Variants in ELAPOR2 observed in about 807,000 individuals in gnomAD.
ELAPOR2 encodes endosome/lysosome-associated apoptosis and autophagy regulator family member 2.
A neutral mutation model predicts 120.7 loss-of-function variants in ELAPOR2; 89 were observed. That is an observed-to-expected ratio of 0.74 (90% CI 0.62 to 0.88). The LOEUF (loss-of-function observed/expected upper bound fraction) is 0.88, where lower values mean the gene tolerates loss of function less well. Ranked by LOEUF, ELAPOR2 falls within the 40% of genes least tolerant of loss-of-function variation. The pLI, the probability that ELAPOR2 is intolerant of heterozygous loss-of-function variation, is 0.00. For synonymous variants in ELAPOR2, 444 were observed against 444.9 expected (o/e 1.00, Z 0.03); for missense variants, 1,134 against 1,251.6 (o/e 0.91, Z 1.42).
chr7:86,935,325 A>G (rs947765497), intron 8 of ELAPOR2, among the ~76,000 whole-genome samples: 31 of 151,964 alleles, frequency 2.0e-4, no homozygotes, highest in African/African-American at 6.5e-4. Context: ...CAAATACACT[A>G]TGCTCCTTCC....
At chr7:86,974,092 A>G (rs915292643) in intron 1 of ELAPOR2, among the ~76,000 whole-genome samples, 23 of 152,052 alleles carry the variant, frequency 1.5e-4, no homozygotes, top group Non-Finnish European at 5.9e-5. Flanking sequence ...GGTATATGAA[A>G]GTATAATTTT....
chr7:87,054,774 C>G (rs1201697288), intron 1 of ELAPOR2, among the ~76,000 whole-genome samples: 1 of 152,190 alleles, frequency 6.6e-6, no homozygotes, highest in Non-Finnish European at 1.5e-5. Context: ...CCATCTCCAC[C>G]ATCCCATAGG....
chr7:86,964,893 A>C lies in ELAPOR2; in HGVS notation c.310+11T>G. 2 of 1,551,390 alleles carry C rather than the reference A, an allele frequency of 1.3e-6. No homozygotes were observed. The highest frequency in any genetic ancestry group is 1.7e-6 in the Non-Finnish European group (2 of 1,146,784). On this transcript the variant is annotated intron_variant, in intron 2 of 21. Coordinates refer to ENST00000450689, the MANE Select transcript of ELAPOR2 (RefSeq NM_001142749.3). Reference sequence around the variant, plus strand: ...ATCAAGAAAACAAATGGTCAAAATGACAAAACATACTGCATTCTTTGCCTC... The same window carrying C: ...ATCAAGAAAACAAATGGTCAAAATGCCAAAACATACTGCATTCTTTGCCTC...
intron 8 of ELAPOR2, among the ~76,000 whole-genome samples, chr7:86,935,295 C>G (rs899167720): frequency 6.6e-6 from 1 of 152,024 alleles, no homozygotes; most frequent in Admixed American, 6.6e-5. Flanking sequence ...ACATTCTAGT[C>G]ACACATCCTT....
Position 86,947,576 on chromosome 7 carries a change from C to T in ELAPOR2, c.506+151G>A, listed in dbSNP as rs549909347. ...ATTTTAACCTCATGAAAACTCATTG[C>T]AATGACCGTCCAAAAAACATGATTC... On this transcript the variant is annotated intron_variant, in intron 3 of 21. Coordinates refer to ENST00000450689, the MANE Select transcript of ELAPOR2 (RefSeq NM_001142749.3). 3 of 672,568 alleles carry T rather than the reference C, an allele frequency of 4.5e-6. No homozygotes were observed. In the African/African-American group the frequency reaches 5.4e-5, roughly 12 times the overall value. The allele number at this position is 672,568 out of a possible 1,614,324, so 41.7% of individuals were successfully genotyped here. A position where few individuals can be genotyped will look rare whatever the true frequency, so the allele number is the denominator to read the frequency against.
At chr7:86,945,178 G>C (rs1790950107) in intron 3 of ELAPOR2, 132 bp from the exon 4 acceptor site, 1 of 716,622 alleles carries the variant, frequency 1.4e-6, no homozygotes, top group Admixed American at 3.6e-5. Flanking sequence ...AGCTTTTCCA[G>C]ACTCAAAGGC....
chr7:86,928,705 C>T (rs1401773043), intron 8 of ELAPOR2, among the ~76,000 whole-genome samples: 2 of 151,858 alleles, frequency 1.3e-5, no homozygotes, highest in Non-Finnish European at 2.9e-5. Context: ...ATAAAATATG[C>T]AAATATATTG....
chr7:87,038,376 A>G (rs2129014709), intron 1 of ELAPOR2, among the ~76,000 whole-genome samples: 1 of 152,340 alleles, frequency 6.6e-6, no homozygotes, highest in Non-Finnish European at 1.5e-5. Flanking sequence ...CAGATAAGAA[A>G]AAGTCTAGGG....
intron 18 of ELAPOR2, among the ~76,000 whole-genome samples, chr7:86,902,033 G>A (rs1263910602): frequency 1.3e-5 from 2 of 152,164 alleles, no homozygotes; most frequent in Non-Finnish European, 2.9e-5. Context: ...TATAGTTACA[G>A]GCTGAGATGT....
Position 87,011,264 on chromosome 7 carries a change from A to AAG in ELAPOR2, c.190-46241_190-46240insCT, listed in dbSNP as rs1793654364. 3.7e-5 allele frequency among the ~76,000 whole-genome samples: 5 copies of AAG among 133,770 alleles called. 1 individual carries two copies. Among genetic ancestry groups the AAG allele is most frequent in the African/African-American group, 6.1e-5 (2 of 32,682 alleles). The allele number at this position is 133,770 out of a possible 152,430, so 87.8% of individuals were successfully genotyped here. Reference sequence around the variant, plus strand: ...GACTCCATCTCAAAAAAAAAAAAAAAAAAAGAAAAGAAAAAGAAAATACAC... The same window carrying AAG: ...GACTCCATCTCAAAAAAAAAAAAAAAAGAAAAGAAAAGAAAAAGAAAATACAC... On this transcript the variant is annotated intron_variant, in intron 1 of 21. Transcript: ENST00000450689.
chr7:87,033,713 T>A (rs1273547268), intron 1 of ELAPOR2, among the ~76,000 whole-genome samples: 1 of 152,070 alleles, frequency 6.6e-6, no homozygotes, highest in Non-Finnish European at 1.5e-5. Context: ...TGAGAACAGC[T>A]GAGAATGAAA....
intron 1 of ELAPOR2, among the ~76,000 whole-genome samples, chr7:87,048,121 G>C (rs1795006727): frequency 6.6e-6 from 1 of 152,042 alleles, no homozygotes; most frequent in Non-Finnish European, 1.5e-5. Context: ...GTGAGCACCT[G>C]TTGTCCCAGC....
At chr7:87,002,380 A>T (rs1562963695) in intron 1 of ELAPOR2, among the ~76,000 whole-genome samples, 1 of 152,154 alleles carries the variant, frequency 6.6e-6, no homozygotes, top group Non-Finnish European at 1.5e-5. Context: ...CTTCTGCAGC[A>T]GCAGTCTCCT....
intron 12 of ELAPOR2, 88 bp downstream of exon 12, chr7:86,918,353 TC>T: frequency 3.9e-6 from 2 of 512,490 alleles, no homozygotes; most frequent in Admixed American, 3.4e-5. Context: ...AAAAAGGAAT[TC>T]TTATCCCAAC....
chr7:86,892,258 A>C (rs1189366293), intron 20 of ELAPOR2, among the ~76,000 whole-genome samples: 1 of 152,086 alleles, frequency 6.6e-6, no homozygotes, highest in Non-Finnish European at 1.5e-5. Flanking sequence ...AAAGATGAGA[A>C]TATCAAACAG....
chr7:87,002,030 C>T (rs555270614), intron 1 of ELAPOR2, among the ~76,000 whole-genome samples: 97 of 152,218 alleles, frequency 6.4e-4, no homozygotes, highest in Middle Eastern at 6.8e-3. Context: ...TCAGGTATGG[C>T]TGCAGAGTCT....
intron 1 of ELAPOR2, among the ~76,000 whole-genome samples, chr7:87,019,494 A>C (rs1372558754): frequency 6.6e-6 from 1 of 152,154 alleles, no homozygotes; most frequent in Non-Finnish European, 1.5e-5. Flanking sequence ...TCTTCTGGTC[A>C]TTAGGAAAAA....
rs1056030869 is a variant in ELAPOR2 at position 87,059,584 on chromosome 7, C to T, written c.-71G>A. The T allele has an allele frequency of 2.6e-6, 3 of 1,132,116 alleles. No individual in the cohort carries two copies. The highest frequency in any genetic ancestry group is 3.3e-5 in the African/African-American group (2 of 60,822). 70.1% of individuals were successfully genotyped at this position (1,132,116 alleles called of 1,614,324 possible). ...CGGGGTGCGGCGGCAGCTCCGGCTC[C>T]CGGGCCGCGACTGCTGTGCGCTCGT... On this transcript the variant is annotated 5_prime_UTR_variant, in exon 1 of 22. Transcript: ENST00000450689.
chr7:86,911,261 C>G (rs1043545392), intron 15 of ELAPOR2, among the ~76,000 whole-genome samples: 1 of 151,844 alleles, frequency 6.6e-6, no homozygotes, highest in Non-Finnish European at 1.5e-5. Flanking sequence ...TTGGATCACC[C>G]CAGGTAAAAT....
Sources: gnomAD v4.1 joint callset for allele counts (sites outside exome capture counted in the v4.1 genomes callset) on GRCh38, gnomAD v4.1.1 for gene constraint, MANE v1.5 for transcripts, NCBI Gene and HGNC (gene_info 2026-07-23, HGNC 2026-07-21) for gene names.